TIAM2: variants seen among roughly 807,000 people sequenced by gnomAD.
TIAM2 encodes the protein rho guanine nucleotide exchange factor TIAM2.
A neutral mutation model predicts 152.9 loss-of-function variants in TIAM2; 80 were observed. The ratio of observed to expected loss-of-function variants is 0.52; its 90% CI spans 0.44 to 0.63. The LOEUF (loss-of-function observed/expected upper bound fraction) is 0.63, where lower values mean the gene tolerates loss of function less well. Ranked by LOEUF, TIAM2 falls within the 30% of genes least tolerant of loss-of-function variation. TIAM2 has a pLI of 0.00. For missense variants in TIAM2, 1,965 were observed against 2,120.1 expected (o/e 0.93, Z 1.44); for synonymous variants, 804 against 838.0 (o/e 0.96, Z 0.70).
chr6:155,184,787 CTTGGGG>C (rs1780995513), intron 14 of TIAM2, among the ~76,000 whole-genome samples: 1 of 152,124 alleles, frequency 6.6e-6, no homozygotes, highest in South Asian at 2.1e-4. Flanking sequence ...CTCCTCCTCT[CTTGGGG>C]CTTTCCTCTA....
chr6:155,158,483 G>C (rs550934041), intron 7 of TIAM2, among the ~76,000 whole-genome samples: 1 of 151,972 alleles, frequency 6.6e-6, no homozygotes, highest in Non-Finnish European at 1.5e-5. Context: ...GTTTTTTTCA[G>C]TCTTGTCTTT....
At position 155,129,638 on chromosome 6, in the gene TIAM2, A is replaced by G. The variant is rs1004265027; in HGVS notation, c.415A>G (p.Asn139Asp). 6 of 1,614,098 alleles carry G rather than the reference A, an allele frequency of 3.7e-6. No individual in the cohort carries two copies. The highest frequency in any genetic ancestry group is 4.2e-6 in the Non-Finnish European group (5 of 1,180,012). Reference protein sequence around the residue: ...TSRDCNGHLLNCYGRNESIAS... With the variant: ...TSRDCNGHLLDCYGRNESIAS... The stretch of plus-strand genomic sequence containing the variant: ...CAGAGACTGCAACGGACACCTTCTC[A>G]ACTGCTACGGGAGGAATGAGAGCAT... Residue 139 changes from asparagine to aspartate, a missense_variant, in exon 4 of 27, where the codon AAC becomes GAC. Physicochemically the swap from Asn to Asp is conservative, Grantham distance 23. This residue lies in a region of TIAM2 where 1,025 missense variants were observed against 1,119.4 expected (regional missense o/e 0.92). Transcript: ENST00000682666. This position sits in a 1 kb window ranked among gnomAD's most constrained non-coding sequence, Gnocchi z 4.8.
chr6:155,188,269 A>G (rs1451340888), intron 14 of TIAM2, among the ~76,000 whole-genome samples: 1 of 152,202 alleles, frequency 6.6e-6, no homozygotes, highest in Non-Finnish European at 1.5e-5. Context: ...CCATTTGGCA[A>G]ATCGCTTACA....
At chr6:155,160,718 A>G (rs115377464) in intron 7 of TIAM2, among the ~76,000 whole-genome samples, 1 of 152,066 alleles carries the variant, frequency 6.6e-6, no homozygotes, top group South Asian at 2.1e-4. Context: ...CCAACAATGT[A>G]CCACTGCATC....
Position 155,218,156 on chromosome 6 carries a change from G to C in TIAM2, c.3168+6849G>C, listed in dbSNP as rs1781913191. ...AAAGATAACTTATTTATAAACCGTAGTCTTTCTCCATGGTTGCTATTCAAT... is the reference window on the plus strand; with the variant it reads ...AAAGATAACTTATTTATAAACCGTACTCTTTCTCCATGGTTGCTATTCAAT... On this transcript the variant is annotated intron_variant, in intron 15 of 26. Transcript: ENST00000682666. This position sits in a 1 kb window ranked among gnomAD's most constrained non-coding sequence, Gnocchi z 4.5. Among the ~76,000 whole-genome samples, 1 of 152,198 alleles carries C rather than the reference G, an allele frequency of 6.6e-6. No individual in the cohort carries two copies. The highest frequency in any genetic ancestry group is 6.5e-5 in the Admixed American group (1 of 15,286).
chr6:155,212,173 T>C (rs1195066017), intron 15 of TIAM2, among the ~76,000 whole-genome samples: 2 of 152,194 alleles, frequency 1.3e-5, no homozygotes, highest in African/African-American at 4.8e-5. Context: ...TGAATGTTGG[T>C]GTAAGAGTTA....
chr6:155,016,783 C>G (rs1441160816), intron 1 of TIAM2, among the ~76,000 whole-genome samples: 2 of 124,838 alleles, frequency 1.6e-5, no homozygotes, highest in South Asian at 4.4e-4. Flanking sequence ...GCCTGTAATC[C>G]CAGCTACTCG....
chr6:155,032,478 A>G (rs1776843735), intron 1 of TIAM2, among the ~76,000 whole-genome samples: 1 of 152,170 alleles, frequency 6.6e-6, no homozygotes, highest in South Asian at 2.1e-4. Context: ...ATCGTCTGAG[A>G]ATGAGCAGGG....
At chr6:155,004,439 G>T (rs143406965) in intron 1 of TIAM2, among the ~76,000 whole-genome samples, 7,901 of 152,202 alleles carry the variant, frequency 0.052, 621 homozygotes, top group African/African-American at 0.17. Context: ...CACCCAGGCT[G>T]GAGTGCAGTG....
At chr6:155,225,102 T>G (rs1279241954) in intron 15 of TIAM2, among the ~76,000 whole-genome samples, 1 of 152,162 alleles carries the variant, frequency 6.6e-6, no homozygotes, top group Non-Finnish European at 1.5e-5. Context: ...ATTACAGGCA[T>G]GCACAACTGC....
chr6:155,243,186 G>C (rs1316005398), intron 16 of TIAM2, among the ~76,000 whole-genome samples: 2 of 152,154 alleles, frequency 1.3e-5, no homozygotes, highest in Admixed American at 6.5e-5. Flanking sequence ...CAGCTCTGTG[G>C]GAGTTTTTTA....
At chr6:155,140,510 C>G (rs532891010) in intron 5 of TIAM2, among the ~76,000 whole-genome samples, 1 of 151,702 alleles carries the variant, frequency 6.6e-6, no homozygotes, top group Non-Finnish European at 1.5e-5. Context: ...GTATACATCA[C>G]CCTAGTGGTG....
chr6:155,165,544 A>T (rs1780407701), intron 9 of TIAM2, 135 bp downstream of exon 9: 1 of 1,259,428 alleles, frequency 7.9e-7, no homozygotes, highest in African/African-American at 1.5e-5. Flanking sequence ...TCACGCCTGT[A>T]ATTCTAGCAC....
chr6:155,129,491 G>A lies in TIAM2; in HGVS notation c.268G>A (p.Ala90Thr), dbSNP rs914077262. ...CACATGCAAGGTCTCCAGAGGTGTT[G>A]CCTACTCCACGCACAGGACAAATGC... is the stretch of plus-strand genomic sequence containing the variant. Reference protein sequence around the residue: ...GPTCKVSRGVAYSTHRTNAPG... With the variant: ...GPTCKVSRGVTYSTHRTNAPG... Residue 90 changes from alanine (A) to threonine (T), a missense_variant, in exon 4 of 27, where the codon GCC becomes ACC. Coordinates refer to ENST00000682666, the MANE Select transcript of TIAM2 (RefSeq NM_012454.4). This position sits in a 1 kb window ranked among gnomAD's most constrained non-coding sequence, Gnocchi z 4.8. 8 of 1,614,132 alleles carry A rather than the reference G, an allele frequency of 5.0e-6. No individual in the cohort carries two copies. Among genetic ancestry groups the A allele is most frequent in the Non-Finnish European group, 5.9e-6 (7 of 1,180,030 alleles).
At chr6:155,244,838 TCTCTCATGAGAA>T in intron 18 of TIAM2, 55 bp downstream of exon 18, 1 of 1,534,994 alleles carries the variant, frequency 6.5e-7, no homozygotes. Flanking sequence ...GGTACGTATT[TCTCTCATGAGAA>T]TTCTCTCATG....
chr6:155,126,230 A>G (rs976389304), intron 2 of TIAM2, among the ~76,000 whole-genome samples: 7 of 151,982 alleles, frequency 4.6e-5, no homozygotes, highest in Admixed American at 1.3e-4. Context: ...TTGCAAAAAG[A>G]CAAATGCTTT....
At chr6:155,132,477 C>T (rs185442682) in intron 4 of TIAM2, among the ~76,000 whole-genome samples, 1 of 152,018 alleles carries the variant, frequency 6.6e-6, no homozygotes, top group Admixed American at 6.6e-5. Context: ...ATCCTGTTTT[C>T]AGGGCCTCTT....
rs540301597 is a variant in TIAM2 at position 155,133,671 on chromosome 6, A to C, written c.1194+3254A>C. ...GCTTCAATGAGTTGGACTATTTCAGATTCCACGTATAAGTGGAATCTTGCA... is the reference window on the plus strand; with the variant it reads ...GCTTCAATGAGTTGGACTATTTCAGCTTCCACGTATAAGTGGAATCTTGCA... On this transcript the variant is annotated intron_variant, in intron 4 of 26. Coordinates refer to ENST00000682666, the MANE Select transcript of TIAM2 (RefSeq NM_012454.4). Among the ~76,000 whole-genome samples the C allele has an allele frequency of 4.0e-5, 6 of 151,582 alleles. No individual in the cohort carries two copies. In the East Asian group the frequency reaches 1.2e-3, roughly 29 times the overall value.
chr6:155,024,016 C>T (rs890564158), intron 1 of TIAM2, among the ~76,000 whole-genome samples: 1 of 152,140 alleles, frequency 6.6e-6, no homozygotes, highest in Non-Finnish European at 1.5e-5. Context: ...TAATACTCTG[C>T]ATGCGGCTCT....
Sources: allele counts gnomAD v4.1 joint callset (sites outside exome capture counted in the v4.1 genomes callset), GRCh38; gene constraint gnomAD v4.1.1; regional missense constraint gnomAD v4.1.1; non-coding constraint Gnocchi (gnomAD v3.1); transcripts MANE v1.5; gene names NCBI Gene and HGNC (gene_info 2026-07-23, HGNC 2026-07-21).